LHFPL2: variants seen among roughly 807,000 people sequenced by gnomAD.
LHFPL2 encodes the protein LHFPL tetraspan subfamily member 2, also known as LHFPL tetraspan subfamily member 2 protein.
LHFPL2 carries 7 observed loss-of-function variants against 17.5 expected under a neutral mutation model. The ratio of observed to expected loss-of-function variants is 0.40; its 90% CI spans 0.23 to 0.75. The LOEUF is 0.75. Among genes scored for constraint, LHFPL2 ranks in the 30% least tolerant of loss-of-function variants. The pLI is 0.37. For synonymous variants in LHFPL2, 134 were observed against 116.2 expected (o/e 1.15, Z -0.99); for missense variants, 241 against 294.8 (o/e 0.82, Z 1.34).
At chr5:78,509,145 A>C (rs1477968289) in intron 4 of LHFPL2, among the ~76,000 whole-genome samples, 1 of 152,256 alleles carries the variant, frequency 6.6e-6, no homozygotes, top group Non-Finnish European at 1.5e-5. Flanking sequence ...AGAAATTCCC[A>C]GAAAATGGAA....
intron 3 of LHFPL2, among the ~76,000 whole-genome samples, chr5:78,530,308 A>G (rs1166788505): frequency 2.0e-5 from 3 of 152,204 alleles, no homozygotes; most frequent in Non-Finnish European, 4.4e-5. Context: ...AAAACAGAAA[A>G]TTAACCATTT....
At chr5:78,641,142 C>T (rs168190) in intron 1 of LHFPL2, among the ~76,000 whole-genome samples, 62,316 of 152,030 alleles carry the variant, frequency 0.41, 13,326 homozygotes, top group South Asian at 0.55. Context: ...TGTGCAGCTG[C>T]CCATTAGCAA....
At chr5:78,520,758 C>T (rs554276049) in intron 3 of LHFPL2, among the ~76,000 whole-genome samples, 2 of 152,292 alleles carry the variant, frequency 1.3e-5, no homozygotes, top group Admixed American at 6.5e-5. Context: ...ACTCTGACTT[C>T]TACTCTTGGG....
intron 2 of LHFPL2, among the ~76,000 whole-genome samples, chr5:78,605,540 T>A (rs1015804850): frequency 2.0e-5 from 3 of 152,248 alleles, no homozygotes; most frequent in Non-Finnish European, 4.4e-5. Context: ...CATGACCATG[T>A]TACCACCTTG....
chr5:78,633,382 C>T (rs886092198), intron 1 of LHFPL2, among the ~76,000 whole-genome samples: 1 of 152,220 alleles, frequency 6.6e-6, no homozygotes, highest in African/African-American at 2.4e-5. Context: ...CAACACACCC[C>T]CACCAAATGC....
At chr5:78,582,651 C>T (rs148528978) in intron 2 of LHFPL2, among the ~76,000 whole-genome samples, 2,442 of 152,136 alleles carry the variant, frequency 0.016, 71 homozygotes, top group African/African-American at 0.055. Flanking sequence ...GTCTGAGAGA[C>T]AGTTTGTTAT....
chr5:78,544,086 C>A (rs1333934577), intron 3 of LHFPL2, among the ~76,000 whole-genome samples: 2 of 152,180 alleles, frequency 1.3e-5, no homozygotes, highest in African/African-American at 4.8e-5. Flanking sequence ...CCACCAGTGC[C>A]AGGACAGCAA....
chr5:78,629,964 G>A (rs956026057), intron 2 of LHFPL2, among the ~76,000 whole-genome samples: 3 of 152,314 alleles, frequency 2.0e-5, no homozygotes, highest in South Asian at 2.1e-4. Flanking sequence ...TTATTAACAA[G>A]TCCAAAACAC....
intron 2 of LHFPL2, among the ~76,000 whole-genome samples, chr5:78,595,351 T>C (rs575198386): frequency 6.6e-6 from 1 of 152,148 alleles, no homozygotes; most frequent in Non-Finnish European, 1.5e-5. Flanking sequence ...TCAAATGCAG[T>C]TTAAGCCACG....
chr5:78,578,813 C>T (rs1757202016), intron 2 of LHFPL2, among the ~76,000 whole-genome samples: 1 of 152,222 alleles, frequency 6.6e-6, no homozygotes, highest in Admixed American at 6.5e-5. Context: ...CCATCTCTAA[C>T]TCTAGGTTCT....
intron 2 of LHFPL2, among the ~76,000 whole-genome samples, chr5:78,626,902 G>A (rs1055879908): frequency 3.3e-5 from 5 of 152,020 alleles, no homozygotes; most frequent in Non-Finnish European, 5.9e-5. Flanking sequence ...CCAACATGGT[G>A]AAACCCCATC....
At chr5:78,536,612 A>G (rs1755957538) in intron 3 of LHFPL2, among the ~76,000 whole-genome samples, 1 of 152,186 alleles carries the variant, frequency 6.6e-6, no homozygotes, top group Admixed American at 6.5e-5. Flanking sequence ...TGCCCTTAGA[A>G]TTCTCGTAAA....
chr5:78,568,455 A>C (rs1756915184), intron 2 of LHFPL2, among the ~76,000 whole-genome samples: 1 of 152,176 alleles, frequency 6.6e-6, no homozygotes, highest in South Asian at 2.1e-4. Context: ...GGGCACCAGC[A>C]CTTATTTATT....
At chr5:78,555,111 T>C (rs775945020) in intron 3 of LHFPL2, among the ~76,000 whole-genome samples, 9 of 152,152 alleles carry the variant, frequency 5.9e-5, no homozygotes, top group Non-Finnish European at 7.3e-5. Flanking sequence ...AAAATGCATA[T>C]TGAAATATGG....
chr5:78,597,566 A>G (rs1201232551), intron 2 of LHFPL2, among the ~76,000 whole-genome samples: 1 of 152,190 alleles, frequency 6.6e-6, no homozygotes, highest in Non-Finnish European at 1.5e-5. Flanking sequence ...ATTATGGAAG[A>G]CTGTGAACAA....
intron 3 of LHFPL2, among the ~76,000 whole-genome samples, chr5:78,530,085 C>G (rs942579203): frequency 3.9e-5 from 6 of 152,196 alleles, no homozygotes; most frequent in Admixed American, 2.0e-4. Flanking sequence ...TAAGATCCAT[C>G]AGGCACATTA....
At chr5:78,585,073 C>G (rs1281169697) in intron 2 of LHFPL2, among the ~76,000 whole-genome samples, 1 of 81,668 alleles carries the variant, frequency 1.2e-5, no homozygotes, top group African/African-American at 4.4e-5. Flanking sequence ...GTGGCGGGAT[C>G]TCGGCTCATT....
intron 2 of LHFPL2, among the ~76,000 whole-genome samples, chr5:78,579,477 T>C (rs920281475): frequency 2.0e-5 from 3 of 152,196 alleles, no homozygotes; most frequent in Admixed American, 2.0e-4. Context: ...CATCTCCCAG[T>C]GCTAACCCTC....
At chr5:78,579,323 T>G (rs1273538125) in intron 2 of LHFPL2, among the ~76,000 whole-genome samples, 1 of 151,500 alleles carries the variant, frequency 6.6e-6, no homozygotes, top group African/African-American at 2.4e-5. Context: ...TTTTTTTTTG[T>G]TGTTGTTGTT....
Sources: allele counts gnomAD v4.1 joint callset (sites outside exome capture counted in the v4.1 genomes callset), GRCh38; gene constraint gnomAD v4.1.1; transcripts MANE v1.5; gene names NCBI Gene and HGNC (gene_info 2026-07-23, HGNC 2026-07-21).